The following PTPRM variants were observed in gnomAD, a reference collection of about 807,000 sequenced individuals.
The protein encoded by PTPRM is protein tyrosine phosphatase receptor type M.
A neutral mutation model predicts 186.7 loss-of-function variants in PTPRM; 47 were observed. The ratio of observed to expected loss-of-function variants is 0.25; its 90% CI spans 0.20 to 0.32. PTPRM has a LOEUF of 0.32. PTPRM is among the 10% of genes least tolerant of loss of function. The pLI is 1.00. For missense variants in PTPRM, 1,494 were observed against 1,865.0 expected, an observed-to-expected ratio of 0.80 and a Z score of 3.66; for synonymous variants, 668 against 674.9, an observed-to-expected ratio of 0.99 and a Z score of 0.16.
chr18:7,904,271 A>G (rs906456206), intron 3 of PTPRM, among the ~76,000 whole-genome samples: 1 of 152,202 alleles, frequency 6.6e-6, no homozygotes, highest in Non-Finnish European at 1.5e-5. Context: ...CTTCTGTACA[A>G]TTGTACAAAT....
chr18:8,369,712 T>G (rs1335952276), intron 23 of PTPRM, among the ~76,000 whole-genome samples: 2 of 152,286 alleles, frequency 1.3e-5, no homozygotes, highest in Admixed American at 1.3e-4. Flanking sequence ...CCTCAACACT[T>G]TTCGAGGCCA....
At chr18:8,088,466 G>T (rs1020498117) in intron 10 of PTPRM, among the ~76,000 whole-genome samples, 41 of 152,134 alleles carry the variant, frequency 2.7e-4, no homozygotes, top group African/African-American at 9.2e-4. Context: ...CATTTAGCCA[G>T]AATCCAAATC....
chr18:8,385,684 G>T (rs2095767671), intron 30 of PTPRM, among the ~76,000 whole-genome samples: 1 of 152,228 alleles, frequency 6.6e-6, no homozygotes, highest in African/African-American at 2.4e-5. Flanking sequence ...CGGCTGGAAG[G>T]GCCTGGCAGT....
intron 7 of PTPRM, among the ~76,000 whole-genome samples, chr18:7,960,139 A>G (rs2053565576): frequency 6.6e-6 from 1 of 152,062 alleles, no homozygotes; most frequent in Non-Finnish European, 1.5e-5. Flanking sequence ...GTTATTGGTT[A>G]TTAACTGTGG....
intron 1 of PTPRM, among the ~76,000 whole-genome samples, chr18:7,660,572 C>T (rs920553753): frequency 2.6e-5 from 4 of 152,134 alleles, no homozygotes; most frequent in African/African-American, 7.2e-5. Flanking sequence ...GGATTGGGGC[C>T]GGTGGGCCAC....
At chr18:7,947,937 A>G (rs138524462) in intron 5 of PTPRM, among the ~76,000 whole-genome samples, 336 of 152,222 alleles carry the variant, frequency 2.2e-3, no homozygotes, top group African/African-American at 7.4e-3. Context: ...TACCATTGTG[A>G]TCATGCTATC....
At chr18:7,852,371 G>T (rs1232887338) in intron 2 of PTPRM, among the ~76,000 whole-genome samples, 1 of 152,040 alleles carries the variant, frequency 6.6e-6, no homozygotes, top group African/African-American at 2.4e-5. Context: ...GAGGCCAGGA[G>T]TTCAAGACCA....
chr18:7,585,258 T>C (rs2036948536), intron 1 of PTPRM, among the ~76,000 whole-genome samples: 1 of 151,586 alleles, frequency 6.6e-6, no homozygotes, highest in Non-Finnish European at 1.5e-5. Context: ...TTTGAAATGG[T>C]TTTTAATTTT....
At chr18:8,265,339 A>G (rs1601548329) in intron 19 of PTPRM, among the ~76,000 whole-genome samples, 1 of 152,330 alleles carries the variant, frequency 6.6e-6, no homozygotes, top group East Asian at 1.9e-4. Context: ...ATCCTGGCTC[A>G]TCTGACATGA....
intron 1 of PTPRM, among the ~76,000 whole-genome samples, chr18:7,655,177 C>G (rs2038818164): frequency 6.6e-6 from 1 of 152,062 alleles, no homozygotes; most frequent in African/African-American, 2.4e-5. Flanking sequence ...TGTTTGTTAG[C>G]TGTATTCCTA....
intron 5 of PTPRM, chr18:7,947,093 C>G (rs776002023): frequency 4.5e-6 from 2 of 444,462 alleles, no homozygotes; most frequent in Non-Finnish European, 4.5e-6. Context: ...GCCCATTGTT[C>G]CTGCACTCTT....
Position 8,244,039 on chromosome 18 carries a change from T to C in PTPRM, c.2301-19T>C. 1 of 1,601,908 alleles carries C rather than the reference T, an allele frequency of 6.2e-7. No homozygotes were observed. The highest frequency in any genetic ancestry group is 8.5e-7 in the Non-Finnish European group (1 of 1,175,458). ...CCCGTTCAAATGCATGCCTACATAA[T>C]TGAATTCTTTATCCTAAGGAAACTG... On this transcript the variant is annotated intron_variant, in intron 14 of 32. Coordinates refer to ENST00000580170, the MANE Select transcript of PTPRM (RefSeq NM_001105244.2).
intron 20 of PTPRM, among the ~76,000 whole-genome samples, chr18:8,311,834 C>T (rs1192846020): frequency 6.6e-6 from 1 of 152,104 alleles, no homozygotes; most frequent in Non-Finnish European, 1.5e-5. Flanking sequence ...GAATTCAGTC[C>T]TGGTGGAGAT....
At chr18:8,100,233 G>A (rs182772974) in intron 11 of PTPRM, among the ~76,000 whole-genome samples, 14 of 152,130 alleles carry the variant, frequency 9.2e-5, no homozygotes, top group South Asian at 2.1e-4. Flanking sequence ...CTGCCTCCCC[G>A]GTTCAAGCAG....
intron 7 of PTPRM, among the ~76,000 whole-genome samples, chr18:7,967,865 A>C (rs2054252701): frequency 1.7e-5 from 1 of 60,170 alleles, no homozygotes; most frequent in Non-Finnish European, 3.0e-5. Context: ...GAATGGAACC[A>C]AGTTGGAAAA....
chr18:8,373,926 A>G (rs939516739), intron 24 of PTPRM, among the ~76,000 whole-genome samples: 1 of 152,088 alleles, frequency 6.6e-6, no homozygotes, highest in African/African-American at 2.4e-5. Flanking sequence ...ACATTTTTGT[A>G]TATAACATTA....
intron 14 of PTPRM, among the ~76,000 whole-genome samples, chr18:8,219,263 C>A (rs2094126086): frequency 6.6e-6 from 1 of 152,100 alleles, no homozygotes; most frequent in African/African-American, 2.4e-5. Context: ...GTCAGGCGAT[C>A]GAGACCATCC....
intron 1 of PTPRM, among the ~76,000 whole-genome samples, chr18:7,662,076 G>A (rs1350421426): frequency 6.6e-6 from 1 of 151,766 alleles, no homozygotes; most frequent in Admixed American, 6.6e-5. Flanking sequence ...TGCCACCGGT[G>A]GGTGCCACCA....
chr18:7,614,850 C>G (rs1447477710), intron 1 of PTPRM, among the ~76,000 whole-genome samples: 4 of 149,246 alleles, frequency 2.7e-5, no homozygotes, highest in Non-Finnish European at 5.9e-5. Flanking sequence ...CTCCAGGGAA[C>G]CTATGAATAA....
Sources: gnomAD v4.1 joint callset for allele counts (sites outside exome capture counted in the v4.1 genomes callset) on GRCh38, gnomAD v4.1.1 for gene constraint, MANE v1.5 for transcripts, NCBI Gene and HGNC (gene_info 2026-07-23, HGNC 2026-07-21) for gene names.